Variants in RANBP2 observed in about 807,000 individuals in gnomAD.
The protein encoded by RANBP2 is RAN binding protein 2.
In RANBP2, 57 loss-of-function variants were observed where a neutral mutation model predicts 303.6. The observed-to-expected ratio is 0.19, with a 90% CI of 0.15 to 0.23. The LOEUF is 0.23. RANBP2 is among the 10% of genes least tolerant of loss of function. The pLI is 1.00. For missense variants in RANBP2, 3,138 were observed against 3,780.8 expected (o/e 0.83, Z 4.46); for synonymous variants, 1,167 against 1,301.5 (o/e 0.90, Z 2.23).
chr2:108,737,748 C>T (rs1254890599), intron 6 of RANBP2, among the ~76,000 whole-genome samples: 1 of 145,294 alleles, frequency 6.9e-6, no homozygotes, highest in East Asian at 2.1e-4. Flanking sequence ...GAGTCTCGCT[C>T]TGTCACCCAG....
chr2:109,063,082 C>T, the RANBP2 span, among the ~76,000 whole-genome samples: 6 of 152,280 alleles, frequency 3.9e-5, no homozygotes, highest in South Asian at 1.2e-3. Flanking sequence ...GGAGTGTGTG[C>T]CCCCCACCAC....
At chr2:108,808,834 T>C in the RANBP2 span, among the ~76,000 whole-genome samples, 1 of 152,154 alleles carries the variant, frequency 6.6e-6, no homozygotes, top group African/African-American at 2.4e-5. Context: ...CCAATCTCAT[T>C]TGTCTGTTTT....
At chr2:108,867,770 A>C in the RANBP2 span, among the ~76,000 whole-genome samples, 5 of 152,104 alleles carry the variant, frequency 3.3e-5, no homozygotes, top group Non-Finnish European at 5.9e-5. Flanking sequence ...GGGCAACTGA[A>C]GGTTTTTGGT....
chr2:108,843,497 T>G, the RANBP2 span, among the ~76,000 whole-genome samples: 1 of 152,350 alleles, frequency 6.6e-6, no homozygotes, highest in East Asian at 1.9e-4. Context: ...TTAGTTTTTC[T>G]TAACATATTT....
chr2:109,187,133 C>T, the RANBP2 span, among the ~76,000 whole-genome samples: 4 of 149,804 alleles, frequency 2.7e-5, no homozygotes, highest in Admixed American at 2.7e-4. Context: ...GGGTGAGGGA[C>T]ACAGGACTCT....
the RANBP2 span, among the ~76,000 whole-genome samples, chr2:109,547,417 A>AT: frequency 2.7e-5 from 4 of 149,766 alleles, 1 homozygote; most frequent in African/African-American, 9.8e-5. Flanking sequence ...GGTCATTCCA[A>AT]TAAGAACCTA....
the RANBP2 span, among the ~76,000 whole-genome samples, chr2:108,958,849 C>G: frequency 8.8e-6 from 1 of 113,260 alleles, no homozygotes; most frequent in Admixed American, 1.0e-4. Context: ...AGTGGGCTCT[C>G]CAGGCTCATG....
the RANBP2 span, among the ~76,000 whole-genome samples, chr2:109,211,952 A>G: frequency 6.6e-6 from 1 of 152,102 alleles, no homozygotes; most frequent in Non-Finnish European, 1.5e-5. Context: ...CCCTTCCCAC[A>G]TTTCTGTTAC....
At chr2:109,268,968 C>A in the RANBP2 span, among the ~76,000 whole-genome samples, 1 of 152,186 alleles carries the variant, frequency 6.6e-6, no homozygotes, top group Admixed American at 6.5e-5. Flanking sequence ...CTGGGGGACA[C>A]AAATGTCTGA....
the RANBP2 span, among the ~76,000 whole-genome samples, chr2:109,307,573 C>A: frequency 2.1e-4 from 24 of 115,180 alleles, no homozygotes; most frequent in Admixed American, 1.9e-3. Flanking sequence ...TCCCTCCCCC[C>A]TCCCCCCACC....
At chr2:108,735,859 CT>C in intron 5 of RANBP2, 97 bp downstream of exon 5, 1 of 1,591,410 alleles carries the variant, frequency 6.3e-7, no homozygotes, top group Non-Finnish European at 8.5e-7. Context: ...CTTAAAATTT[CT>C]TTTATTTATG....
At chr2:108,854,001 AT>A in the RANBP2 span, among the ~76,000 whole-genome samples, 23 of 10,826 alleles carry the variant, frequency 2.1e-3, no homozygotes, top group South Asian at 9.5e-3. Context: ...ATAAATTTAT[AT>A]TATATATAAT....
the RANBP2 span, among the ~76,000 whole-genome samples, chr2:109,377,404 GCGT>G: frequency 6.6e-6 from 1 of 152,126 alleles, no homozygotes; most frequent in Non-Finnish European, 1.5e-5. Flanking sequence ...AAAGGCCATA[GCGT>G]CAGTGGCTGT....
the RANBP2 span, among the ~76,000 whole-genome samples, chr2:109,591,215 A>T: frequency 1.1e-3 from 166 of 152,354 alleles, 1 homozygote; most frequent in African/African-American, 3.8e-3. Flanking sequence ...TAAGAACTTC[A>T]TAACTTGTTA....
the RANBP2 span, among the ~76,000 whole-genome samples, chr2:109,255,993 T>G: frequency 6.6e-6 from 1 of 152,210 alleles, no homozygotes; most frequent in Non-Finnish European, 1.5e-5. Flanking sequence ...GAAGATTCCC[T>G]GTGTGTGCTT....
the RANBP2 span, among the ~76,000 whole-genome samples, chr2:108,925,473 C>G: frequency 1.3e-5 from 2 of 152,228 alleles, no homozygotes; most frequent in Non-Finnish European, 2.9e-5. Flanking sequence ...GGTGGTGGCT[C>G]TGTCCCACGA....
the RANBP2 span, among the ~76,000 whole-genome samples, chr2:108,793,180 A>T: frequency 6.7e-6 from 1 of 149,916 alleles, no homozygotes; most frequent in African/African-American, 2.5e-5. Context: ...ACACGGTGAA[A>T]CCCTGTCTCT....
the RANBP2 span, among the ~76,000 whole-genome samples, chr2:109,245,452 A>G: frequency 6.6e-6 from 1 of 152,176 alleles, no homozygotes; most frequent in African/African-American, 2.4e-5. Flanking sequence ...TGGCAAAATA[A>G]TTTGCACATT....
At chr2:108,789,274 C>T (rs1412155952), downstream of RANBP2, among the ~76,000 whole-genome samples, 4 of 152,120 alleles carry the variant, frequency 2.6e-5, no homozygotes, top group African/African-American at 7.2e-5. Context: ...ACTCTGCTCC[C>T]TTTCTTTAAA....
Sources: allele counts gnomAD v4.1 joint callset (sites outside exome capture counted in the v4.1 genomes callset), GRCh38; gene constraint gnomAD v4.1.1; transcripts MANE v1.5; gene names NCBI Gene and HGNC (gene_info 2026-07-23, HGNC 2026-07-21).